Variants in CIRSR observed in about 807,000 individuals in gnomAD.
CIRSR encodes the protein CBF1 (RBPJ) interacting corepressor 1.
chr2:174,348,406 T>A, the CIRSR span: 1 of 1,510,812 alleles, frequency 6.6e-7, no homozygotes, highest in East Asian at 2.3e-5. Flanking sequence ...AGTACATAAT[T>A]TACCCCTTGC....
the CIRSR span, among the ~76,000 whole-genome samples, chr2:174,356,620 AGAAGGG>A: frequency 0.018 from 2,642 of 150,148 alleles, 34 homozygotes; most frequent in Middle Eastern, 0.034. Context: ...GAAGGAAGGA[AGAAGGG>A]GAAGGGGAAG....
the CIRSR span, chr2:174,380,758 T>C: frequency 5.6e-6 from 9 of 1,605,482 alleles, no homozygotes; most frequent in African/African-American, 1.3e-5. Context: ...TTCCATATAA[T>C]ACAATCAACT....
At chr2:174,349,564 T>TAA in the CIRSR span, among the ~76,000 whole-genome samples, 24 of 105,086 alleles carry the variant, frequency 2.3e-4, no homozygotes, top group East Asian at 1.1e-3. Flanking sequence ...GACTCTGTCT[T>TAA]AAAAAAAAAA....
At chr2:174,374,677 C>G in the CIRSR span, among the ~76,000 whole-genome samples, 5 of 152,258 alleles carry the variant, frequency 3.3e-5, no homozygotes, top group African/African-American at 1.2e-4. Flanking sequence ...TGGCTGTAAA[C>G]CTGGCAGCTG....
chr2:174,355,622 C>T, the CIRSR span, among the ~76,000 whole-genome samples: 2 of 152,014 alleles, frequency 1.3e-5, no homozygotes, highest in African/African-American at 4.8e-5. Flanking sequence ...ACCATGAAAT[C>T]GAGTCTCAGG....
the CIRSR span, chr2:174,378,585 A>C: frequency 3.4e-6 from 1 of 296,208 alleles, no homozygotes; most frequent in South Asian, 3.2e-5. Flanking sequence ...GTCTATTTTT[A>C]TAATTCAGGA....
At chr2:174,387,607 C>T in the CIRSR span, 3 of 1,454,200 alleles carry the variant, frequency 2.1e-6, no homozygotes, top group African/African-American at 2.9e-5. Context: ...AAAAAACTGA[C>T]TTAATATATC....
chr2:174,356,506 G>A, the CIRSR span, among the ~76,000 whole-genome samples: 1 of 91,406 alleles, frequency 1.1e-5, no homozygotes, highest in Non-Finnish European at 2.5e-5. Context: ...GAAGGAAGAA[G>A]GGAAGGAAGA....
the CIRSR span, among the ~76,000 whole-genome samples, chr2:174,367,742 T>A: frequency 5.3e-4 from 53 of 100,404 alleles, no homozygotes; most frequent in Admixed American, 1.7e-3. Flanking sequence ...AGATGCTGTC[T>A]CTTAAAAAAA....
the CIRSR span, among the ~76,000 whole-genome samples, chr2:174,373,728 A>AAAAATTAG: frequency 6.6e-6 from 1 of 151,962 alleles, no homozygotes; most frequent in Non-Finnish European, 1.5e-5. Context: ...TACAATGGTG[A>AAAAATTAG]AAAATTAGAA....
chr2:174,370,117 A>T, the CIRSR span: 1 of 1,294,174 alleles, frequency 7.7e-7, no homozygotes, highest in Non-Finnish European at 1.0e-6. Flanking sequence ...AGCTGAGTTC[A>T]ACGGCGGGCA....
At chr2:174,373,664 A>G in the CIRSR span, among the ~76,000 whole-genome samples, 8 of 152,214 alleles carry the variant, frequency 5.3e-5, no homozygotes, top group East Asian at 1.2e-3. Flanking sequence ...TAGTTTACTC[A>G]AGATATCAAC....
At chr2:174,390,233 C>T in the CIRSR span, among the ~76,000 whole-genome samples, 1 of 152,268 alleles carries the variant, frequency 6.6e-6, no homozygotes, top group South Asian at 2.1e-4. Context: ...AGGGGCAGAG[C>T]TGCCCAAGGC....
At chr2:174,361,290 A>G in the CIRSR span, among the ~76,000 whole-genome samples, 1 of 152,238 alleles carries the variant, frequency 6.6e-6, no homozygotes, top group African/African-American at 2.4e-5. Context: ...ATACAGGGCT[A>G]TGAGTAGCTA....
At chr2:174,381,828 A>T in the CIRSR span, 1 of 1,252,708 alleles carries the variant, frequency 8.0e-7, no homozygotes, top group South Asian at 1.4e-5. Flanking sequence ...AAAAAAAAAA[A>T]TTATAGAATA....
At chr2:174,372,804 A>G in the CIRSR span, among the ~76,000 whole-genome samples, 1 of 151,904 alleles carries the variant, frequency 6.6e-6, no homozygotes. Context: ...CTGGTCTCAA[A>G]CTCCTGACCT....
At chr2:174,387,813 G>A in the CIRSR span, 1 of 1,517,610 alleles carries the variant, frequency 6.6e-7, no homozygotes, top group South Asian at 1.2e-5. Context: ...AAATTAAATT[G>A]TTGGATTTAA....
At chr2:174,369,771 TA>T in the CIRSR span, among the ~76,000 whole-genome samples, 1 of 152,336 alleles carries the variant, frequency 6.6e-6, no homozygotes, top group South Asian at 2.1e-4. Context: ...ACAAAATGTT[TA>T]TCCATTAAGT....
chr2:174,394,198 T>C, the CIRSR span, among the ~76,000 whole-genome samples: 117 of 152,336 alleles, frequency 7.7e-4, no homozygotes, highest in African/African-American at 2.7e-3. Context: ...AAGCGAAATG[T>C]CAAAAGTTCC....
Sources: gnomAD v4.1 joint callset for allele counts (sites outside exome capture counted in the v4.1 genomes callset) on GRCh38, gnomAD v4.1.1 for gene constraint, MANE v1.5 for transcripts, NCBI Gene and HGNC (gene_info 2026-07-23, HGNC 2026-07-21) for gene names.